GRM5: variants seen among roughly 807,000 people sequenced by gnomAD.
GRM5 encodes metabotropic glutamate receptor 5.
GRM5 carries 19 observed loss-of-function variants against 83.1 expected under a neutral mutation model. That is an observed-to-expected ratio of 0.23 (90% CI 0.16 to 0.34). The LOEUF (loss-of-function observed/expected upper bound fraction) is 0.34. GRM5 is among the 10% of genes least tolerant of loss of function. GRM5 has a pLI of 1.00. For missense variants in GRM5, 1,160 were observed against 1,588.3 expected, an observed-to-expected ratio of 0.73 and a Z score of 4.58; for synonymous variants, 675 against 633.6, an observed-to-expected ratio of 1.07 and a Z score of -0.98.
chr11:88,985,297 T>C (rs1173437098), intron 2 of GRM5, among the ~76,000 whole-genome samples: 1 of 152,126 alleles, frequency 6.6e-6, no homozygotes, highest in African/African-American at 2.4e-5. Flanking sequence ...TTTAGGTACA[T>C]AATAAAAATC....
intron 2 of GRM5, among the ~76,000 whole-genome samples, chr11:88,980,465 TA>T (rs1409516291): frequency 6.6e-6 from 1 of 152,166 alleles, no homozygotes; most frequent in Non-Finnish European, 1.5e-5. Flanking sequence ...AATGCACTCC[TA>T]AAAAGTTAGT....
intron 9 of GRM5, among the ~76,000 whole-genome samples, chr11:88,517,962 A>C (rs1480292124): frequency 6.6e-6 from 1 of 152,070 alleles, no homozygotes; most frequent in East Asian, 1.9e-4. Flanking sequence ...TGTTTTTCAC[A>C]GGCAAGAACA....
At chr11:88,767,538 G>A (rs1013880377) in intron 3 of GRM5, among the ~76,000 whole-genome samples, 2 of 151,948 alleles carry the variant, frequency 1.3e-5, no homozygotes, top group Non-Finnish European at 2.9e-5. Context: ...CATGTGTGAA[G>A]CTGGAGGTCA....
At chr11:88,901,695 G>C (rs1472997394) in intron 2 of GRM5, among the ~76,000 whole-genome samples, 1 of 152,104 alleles carries the variant, frequency 6.6e-6, no homozygotes, top group African/African-American at 2.4e-5. Flanking sequence ...TAGGAGGGAG[G>C]CCTATCCACT....
intron 2 of GRM5, among the ~76,000 whole-genome samples, chr11:88,893,364 T>G (rs1373121822): frequency 1.3e-5 from 2 of 151,994 alleles, no homozygotes; most frequent in Admixed American, 1.3e-4. Context: ...TCAGAAGATT[T>G]GAGCATGTTA....
chr11:88,890,209 C>T (rs1343875242), intron 2 of GRM5, among the ~76,000 whole-genome samples: 1 of 151,900 alleles, frequency 6.6e-6, no homozygotes, highest in Non-Finnish European at 1.5e-5. Context: ...CAATGAAATA[C>T]ATGGTAGAAG....
chr11:88,763,565 C>T (rs1942570902), intron 3 of GRM5, among the ~76,000 whole-genome samples: 1 of 151,668 alleles, frequency 6.6e-6, no homozygotes, highest in Non-Finnish European at 1.5e-5. Flanking sequence ...TGTTTGGGCT[C>T]ACAATGTGTA....
intron 3 of GRM5, among the ~76,000 whole-genome samples, chr11:88,708,956 A>G (rs1361739970): frequency 6.6e-6 from 1 of 152,156 alleles, no homozygotes; most frequent in African/African-American, 2.4e-5. Context: ...TAATGGCAGA[A>G]GGAAGTAAAC....
chr11:88,693,129 A>ACAATT (rs146140212), intron 3 of GRM5, among the ~76,000 whole-genome samples: 6,577 of 151,900 alleles, frequency 0.043, 300 homozygotes, highest in Admixed American at 0.15. Flanking sequence ...TAGCACAGAA[A>ACAATT]CAATTCAATT....
intron 5 of GRM5, among the ~76,000 whole-genome samples, chr11:88,603,542 G>T (rs971179735): frequency 6.6e-6 from 1 of 151,990 alleles, no homozygotes; most frequent in Non-Finnish European, 1.5e-5. Context: ...ATGGATATAC[G>T]TAAGAGCCAA....
At chr11:88,877,334 C>T (rs1944872137) in intron 2 of GRM5, among the ~76,000 whole-genome samples, 1 of 151,830 alleles carries the variant, frequency 6.6e-6, no homozygotes, top group South Asian at 2.1e-4. Context: ...GATAATTTCA[C>T]ACAAGTATTA....
At chr11:88,889,551 C>T (rs1213179497) in intron 2 of GRM5, among the ~76,000 whole-genome samples, 2 of 152,168 alleles carry the variant, frequency 1.3e-5, no homozygotes, top group Non-Finnish European at 2.9e-5. Flanking sequence ...AAAATCTTAA[C>T]TGCTTGGCAT....
intron 3 of GRM5, among the ~76,000 whole-genome samples, chr11:88,806,026 T>A (rs946905407): frequency 6.6e-6 from 1 of 152,208 alleles, no homozygotes; most frequent in Non-Finnish European, 1.5e-5. Flanking sequence ...AGGAAGATAA[T>A]AATTCAAATC....
At chr11:88,734,978 T>C (rs933565902) in intron 3 of GRM5, among the ~76,000 whole-genome samples, 3 of 152,056 alleles carry the variant, frequency 2.0e-5, no homozygotes, top group African/African-American at 7.2e-5. Context: ...CATATTAAAA[T>C]AAATAAGTTC....
chr11:88,814,310 G>A (rs1170190626), intron 3 of GRM5, among the ~76,000 whole-genome samples: 4 of 152,198 alleles, frequency 2.6e-5, no homozygotes, highest in Non-Finnish European at 5.9e-5. Context: ...CTACAAGATA[G>A]AGGACTAGAG....
At chr11:88,916,755 C>A (rs1945599504) in intron 2 of GRM5, among the ~76,000 whole-genome samples, 1 of 49,196 alleles carries the variant, frequency 2.0e-5, no homozygotes, top group African/African-American at 6.5e-5. Context: ...ATTCCTCCAG[C>A]TTGAGGAAAA....
At chr11:88,981,299 A>T (rs1939513124) in intron 2 of GRM5, among the ~76,000 whole-genome samples, 2 of 152,184 alleles carry the variant, frequency 1.3e-5, no homozygotes. Flanking sequence ...GCTCAGAGAC[A>T]TTAGGTAATT....
intron 2 of GRM5, among the ~76,000 whole-genome samples, chr11:88,946,676 T>C (rs1938293288): frequency 6.6e-6 from 1 of 152,110 alleles, no homozygotes; most frequent in Non-Finnish European, 1.5e-5. Flanking sequence ...TAGGGGTGAA[T>C]GGGAGAAACA....
chr11:88,708,911 GA>G (rs1173532041), intron 3 of GRM5, among the ~76,000 whole-genome samples: 1 of 152,108 alleles, frequency 6.6e-6, no homozygotes, highest in Non-Finnish European at 1.5e-5. Context: ...CTAAGTTACA[GA>G]AGTGAGTGAT....
Sources: gnomAD v4.1 joint callset for allele counts (sites outside exome capture counted in the v4.1 genomes callset) on GRCh38, gnomAD v4.1.1 for gene constraint, MANE v1.5 for transcripts, NCBI Gene and HGNC (gene_info 2026-07-23, HGNC 2026-07-21) for gene names.